The following KIF27 variants were observed in gnomAD, a reference collection of about 807,000 sequenced individuals.
KIF27 encodes kinesin-like protein KIF27.
In KIF27, 84 loss-of-function variants were observed where a neutral mutation model predicts 141.8. That is an observed-to-expected ratio of 0.59 (90% confidence interval 0.50 to 0.71). The LOEUF (loss-of-function observed/expected upper bound fraction) is 0.71, where lower values mean the gene tolerates loss of function less well. KIF27 is among the 30% of genes least tolerant of loss of function. The probability of loss-of-function intolerance (pLI) is 0.00; values close to 1 mark genes in which losing one functional copy is unlikely to be tolerated. For synonymous variants in KIF27, 471 were observed against 569.5 expected, an observed-to-expected ratio of 0.83 and a Z score of 2.46; for missense variants, 1,306 against 1,628.4, an observed-to-expected ratio of 0.80 and a Z score of 3.41.
At chr9:83,857,161 T>C (rs1433806019) in intron 14 of KIF27, among the ~76,000 whole-genome samples, 1 of 152,026 alleles carries the variant, frequency 6.6e-6, no homozygotes, top group African/African-American at 2.4e-5. Context: ...CTAAAATCTT[T>C]CTATCCATTT....
rs528524582 is a variant in KIF27, at chr9:83,856,666, G to A, written c.3150+2490C>T. On this transcript the variant is annotated intron_variant, in intron 14 of 17. Coordinates refer to ENST00000297814, the MANE Select transcript of KIF27 (RefSeq NM_017576.4). ...TGAGGCAGGGGAATCGCTTGAACCA[G>A]GCAGGCGGAGGTTGTAGTGAGCTGA... Among the ~76,000 whole-genome samples, 8 of 151,488 alleles carry A rather than the reference G, an allele frequency of 5.3e-5. No individual in the cohort carries two copies. In the East Asian group the frequency reaches 1.6e-3, roughly 30 times the overall value.
intron 9 of KIF27, among the ~76,000 whole-genome samples, chr9:83,885,866 GTTA>G (rs1005370068): frequency 6.6e-6 from 1 of 151,272 alleles, no homozygotes; most frequent in Non-Finnish European, 1.5e-5. Context: ...TAGATGTCCT[GTTA>G]TTATTAGTTG....
intron 16 of KIF27, among the ~76,000 whole-genome samples, chr9:83,843,619 T>A (rs963995982): frequency 6.6e-6 from 1 of 152,242 alleles, no homozygotes; most frequent in Non-Finnish European, 1.5e-5. Flanking sequence ...CCATAAAGTA[T>A]GTCATATTAA....
At chr9:83,900,185 C>T (rs1203752917) in intron 4 of KIF27, among the ~76,000 whole-genome samples, 2 of 151,742 alleles carry the variant, frequency 1.3e-5, no homozygotes, top group Admixed American at 6.6e-5. Context: ...TATAAGAATA[C>T]ATTAGGGCAT....
Position 83,903,119 on chromosome 9 carries a change from C to G in KIF27, c.1399G>C (p.Glu467Gln). The change falls in exon 4 of 18, where the codon GAA (glutamate) becomes CAA (glutamine). Residue 467 changes from glutamate (E) to glutamine (Q), a missense_variant. Transcript: ENST00000297814. Reference protein sequence around the residue: ...FRGIGGTASLEEGPQHVTVLQ... With the variant: ...FRGIGGTASLQEGPQHVTVLQ... ...ACTGTAACATGCTGTGGTCCTTCTT[C>G]CAGACTTGCAGTGCCTCCGATTCCT... 1 of 1,614,200 alleles carries G rather than the reference C, an allele frequency of 6.2e-7. No homozygotes were observed. Among genetic ancestry groups the G allele is most frequent in the Non-Finnish European group, 8.5e-7 (1 of 1,180,032 alleles).
At chr9:83,891,585 C>A (rs1952687844) in intron 5 of KIF27, 84 bp from the exon 6 acceptor site, 3 of 1,240,376 alleles carry the variant, frequency 2.4e-6, no homozygotes, top group East Asian at 2.5e-5. Context: ...TTACATTGAC[C>A]AAAATCATAA....
chr9:83,880,029 C>T (rs1257478482), intron 11 of KIF27: 2 of 515,840 alleles, frequency 3.9e-6, no homozygotes, highest in African/African-American at 1.9e-5. Context: ...ATGTTTTTGA[C>T]AGCTTCAATT....
chr9:83,861,354 G>A (rs1211267306), intron 13 of KIF27, among the ~76,000 whole-genome samples: 9 of 133,182 alleles, frequency 6.8e-5, no homozygotes, highest in East Asian at 2.6e-4. Flanking sequence ...AACAGGCCCC[G>A]GTGTGTGATG....
At chr9:83,850,843 T>C (rs1459277296) in intron 15 of KIF27, among the ~76,000 whole-genome samples, 22 of 119,846 alleles carry the variant, frequency 1.8e-4, no homozygotes, top group African/African-American at 5.7e-4. Context: ...TTTTTTTTTT[T>C]TTTTTTTTTT....
intron 13 of KIF27, among the ~76,000 whole-genome samples, chr9:83,862,006 G>C (rs556675976): frequency 1.3e-5 from 2 of 152,020 alleles, no homozygotes; most frequent in African/African-American, 4.8e-5. Context: ...CATATCCTTC[G>C]CCCACTTGTT....
intron 9 of KIF27, among the ~76,000 whole-genome samples, chr9:83,884,658 A>T (rs932209803): frequency 6.6e-6 from 1 of 152,188 alleles, no homozygotes; most frequent in African/African-American, 2.4e-5. Flanking sequence ...CAAAATATGG[A>T]CATAACCAAA....
intron 3 of KIF27, among the ~76,000 whole-genome samples, chr9:83,906,209 A>T (rs543853351): frequency 9.1e-4 from 139 of 152,342 alleles, no homozygotes; most frequent in African/African-American, 3.1e-3. Context: ...ATCTAATAAG[A>T]CCATAAGCTA....
Position 83,915,592 on chromosome 9 carries a change from G to A in KIF27, c.-1C>T, listed in dbSNP as rs141345220. On this transcript the variant is annotated 5_prime_UTR_variant, in exon 2 of 18. Transcript: ENST00000297814. ...CAACTTTTACTGGTATTTCTTCCATGGCAACTTAGATTTTACTAAATAGAT... is the reference window on the plus strand; with the variant it reads ...CAACTTTTACTGGTATTTCTTCCATAGCAACTTAGATTTTACTAAATAGAT... 53 of 1,591,766 alleles carry A rather than the reference G, an allele frequency of 3.3e-5. 2 individuals carry two copies. The Middle Eastern group carries it at 2.9e-3, about 86-fold the overall frequency.
intron 11 of KIF27, among the ~76,000 whole-genome samples, chr9:83,876,726 T>C (rs150867998): frequency 1.3e-5 from 2 of 152,308 alleles, no homozygotes; most frequent in East Asian, 1.9e-4. Context: ...TATAGACCTA[T>C]GGAATAGAAC....
At position 83,834,161 on chromosome 9, in the gene KIF27, GAA is replaced by G. The variant is rs1367482376; in HGVS notation, c.*2838_*2839del. Among the ~76,000 whole-genome samples the G allele has an allele frequency of 6.6e-6, 1 of 151,980 alleles. No homozygotes were observed. Among genetic ancestry groups the G allele is most frequent in the Non-Finnish European group, 1.5e-5 (1 of 67,938 alleles). The stretch of plus-strand genomic sequence containing the variant: ...AAAAGAACATAATGAACGAAAAAAA[GAA>G]AACCACAAACATTTTATATACATGC... On this transcript the variant is annotated 3_prime_UTR_variant, in exon 18 of 18. Coordinates refer to ENST00000297814, the MANE Select transcript of KIF27 (RefSeq NM_017576.4).
chr9:83,877,959 C>T (rs1227289826), intron 11 of KIF27, among the ~76,000 whole-genome samples: 2 of 151,716 alleles, frequency 1.3e-5, no homozygotes, highest in African/African-American at 4.8e-5. Flanking sequence ...TGAGATACAA[C>T]TTCATCCATC....
rs566328880 is a variant in KIF27 at position 83,856,859 on chromosome 9, A to T, written c.3150+2297T>A. ...CAGGAGATGGAGGCAGTGAGCCGAG[A>T]TCGCACCACTGCACTCCACCCTGAG... is the stretch of plus-strand genomic sequence containing the variant. On this transcript the variant is annotated intron_variant, in intron 14 of 17. Transcript: ENST00000297814. Among the ~76,000 whole-genome samples, 4 of 150,596 alleles carry T rather than the reference A, an allele frequency of 2.7e-5. No individual in the cohort carries two copies. In the East Asian group the frequency reaches 7.8e-4, roughly 29 times the overall value.
At chr9:83,916,742 C>T (rs777641640) in intron 1 of KIF27, among the ~76,000 whole-genome samples, 2 of 149,192 alleles carry the variant, frequency 1.3e-5, no homozygotes, top group African/African-American at 4.9e-5. Flanking sequence ...GGGCTCACTG[C>T]AAGCTCCACC....
At chr9:83,906,394 C>T (rs1588279836) in intron 3 of KIF27, among the ~76,000 whole-genome samples, 1 of 152,158 alleles carries the variant, frequency 6.6e-6, no homozygotes, top group East Asian at 1.9e-4. Context: ...ATTCCCTCCT[C>T]TGGCAGGTTC....
Sources: gnomAD v4.1 joint callset for allele counts (sites outside exome capture counted in the v4.1 genomes callset) on GRCh38, gnomAD v4.1.1 for gene constraint, MANE v1.5 for transcripts, NCBI Gene and HGNC (gene_info 2026-07-23, HGNC 2026-07-21) for gene names.